Variants in PRKCZ observed in about 807,000 individuals in gnomAD.
The protein encoded by PRKCZ is protein kinase C zeta, also known as protein kinase C zeta type.
A neutral mutation model predicts 79.5 loss-of-function variants in PRKCZ; 33 were observed. The ratio of observed to expected loss-of-function variants is 0.41; its 90% confidence interval spans 0.31 to 0.55. The LOEUF (loss-of-function observed/expected upper bound fraction) is 0.55, where lower values mean the gene tolerates loss of function less well. PRKCZ is among the 20% of genes least tolerant of loss of function. The pLI, the probability that PRKCZ is intolerant of heterozygous loss-of-function variation, is 0.19. For synonymous variants in PRKCZ, 342 were observed against 320.9 expected (o/e 1.07, Z -0.70); for missense variants, 578 against 813.5 (o/e 0.71, Z 3.52).
intron 4 of PRKCZ, among the ~76,000 whole-genome samples, chr1:2,081,220 C>T (rs575812122): frequency 2.6e-5 from 4 of 152,342 alleles, no homozygotes; most frequent in South Asian, 4.1e-4. Context: ...CATGTGGACT[C>T]GCAGGTGTCA....
chr1:2,169,463 A>AGGAGGCCGCCGTCTGCCGAGGTGAC, intron 10 of PRKCZ, 55 bp from the exon 11 acceptor site: 12 of 1,477,612 alleles, frequency 8.1e-6, no homozygotes, highest in Non-Finnish European at 1.1e-5. Context: ...CTTCTGTCTA[A>AGGAGGCCGCCGTCTGCCGAGGTGAC]GGAGGCCGCC....
chr1:2,158,307 C>G (rs1189826606), intron 10 of PRKCZ, among the ~76,000 whole-genome samples: 1 of 152,218 alleles, frequency 6.6e-6, no homozygotes, highest in Non-Finnish European at 1.5e-5. Flanking sequence ...TGCCTCAAAG[C>G]TCCTCTGATT....
intron 1 of PRKCZ, among the ~76,000 whole-genome samples, chr1:2,052,264 C>T (rs576795099): frequency 3.3e-5 from 5 of 152,136 alleles, no homozygotes; most frequent in Non-Finnish European, 4.4e-5. Flanking sequence ...AGTTCTGGGC[C>T]GCCCCGTCCT....
At chr1:2,176,791 ATG>A (rs1408282241) in intron 16 of PRKCZ, among the ~76,000 whole-genome samples, 1 of 152,136 alleles carries the variant, frequency 6.6e-6, no homozygotes, top group Non-Finnish European at 1.5e-5. Context: ...TTGCCTGTGC[ATG>A]TGTGGGACCG....
At chr1:2,065,678 C>CAA (rs61017134) in intron 4 of PRKCZ, among the ~76,000 whole-genome samples, 106 of 55,590 alleles carry the variant, frequency 1.9e-3, no homozygotes, top group Middle Eastern at 8.1e-3. Context: ...GACTCTGTCT[C>CAA]AAAAAAAAAA....
intron 17 of PRKCZ, 86 bp downstream of exon 17, chr1:2,184,784 C>A: frequency 6.9e-7 from 1 of 1,447,652 alleles, no homozygotes; most frequent in African/African-American, 1.4e-5. Context: ...GTGACCCAGC[C>A]TGCCCTTGAG....
chr1:2,153,990 G>A (rs563561018), intron 9 of PRKCZ, among the ~76,000 whole-genome samples: 9 of 152,308 alleles, frequency 5.9e-5, no homozygotes, highest in South Asian at 4.1e-4. Context: ...CCAGCCCCAC[G>A]CAGGGCCTTG....
Position 2,177,822 on chromosome 1 carries a change from C to T in PRKCZ, c.1575+2509C>T, listed in dbSNP as rs953761013. Among the ~76,000 whole-genome samples the T allele has an allele frequency of 2.0e-5, 3 of 152,274 alleles. No homozygotes were observed. The highest frequency in any genetic ancestry group is 6.8e-3 in the Middle Eastern group (2 of 294). On this transcript the variant is annotated intron_variant, in intron 16 of 17. Coordinates refer to ENST00000378567, the MANE Select transcript of PRKCZ (RefSeq NM_002744.6). The surrounding 1 kb of genome is among the most constrained non-coding windows in gnomAD (Gnocchi z 6.4). ...TCACCCTGCTTCTTCCTGGCTGCTG[C>T]GGGCTGTGTTGTGACTTCCATCCCA...
At chr1:2,102,275 G>A (rs984178241) in intron 4 of PRKCZ, among the ~76,000 whole-genome samples, 8 of 151,732 alleles carry the variant, frequency 5.3e-5, no homozygotes, top group Non-Finnish European at 1.0e-4. Flanking sequence ...CCAGGGTCTC[G>A]TGTGGGCTTT....
rs568133291 is a variant in PRKCZ at position 2,114,857 on chromosome 1, A to G, written c.335-20405A>G. 5.9e-5 allele frequency among the ~76,000 whole-genome samples: 9 copies of G among 152,350 alleles called. 1 individual carries two copies. In the South Asian group the frequency reaches 1.4e-3, roughly 25 times the overall value. On this transcript the variant is annotated intron_variant, in intron 4 of 17. Coordinates refer to ENST00000378567, the MANE Select transcript of PRKCZ (RefSeq NM_002744.6). ...TTGGGTTTCAGCTTTTCTTATGGAA[A>G]GAATGTTACGGCCTGGGTGCCTCCA...
chr1:2,147,847 A>G (rs904300757), intron 7 of PRKCZ, among the ~76,000 whole-genome samples: 36 of 150,158 alleles, frequency 2.4e-4, no homozygotes, highest in Non-Finnish European at 4.7e-4. Flanking sequence ...CTGTCCATCT[A>G]TCTGTTGTCC....
chr1:2,160,018 G>T (rs928025715), intron 10 of PRKCZ, among the ~76,000 whole-genome samples: 1 of 152,086 alleles, frequency 6.6e-6, no homozygotes, highest in Non-Finnish European at 1.5e-5. Context: ...CTTAAAATAC[G>T]CCCATTCACT....
chr1:2,121,547 A>ATGGTGGTAGTTAGGGTCATGGTG (rs1557611860), intron 4 of PRKCZ, among the ~76,000 whole-genome samples: 1 of 12,208 alleles, frequency 8.2e-5, no homozygotes, highest in African/African-American at 4.3e-4. Context: ...GGGTTATATC[A>ATGGTGGTAGTTAGGGTCATGGTG]GTAGTTAGGG....
intron 4 of PRKCZ, among the ~76,000 whole-genome samples, chr1:2,062,333 G>C (rs879668152): frequency 6.6e-6 from 1 of 152,086 alleles, no homozygotes; most frequent in East Asian, 1.9e-4. Context: ...TTTGGTGTCC[G>C]TGGAATCCTG....
rs71578361 is a variant in PRKCZ, at chr1:2,160,238, C to CGCGCGTGT, written c.974+4147_974+4148insCGCGTGTG. Among the ~76,000 whole-genome samples the CGCGCGTGT allele has an allele frequency of 8.9e-3, 1,308 of 146,458 alleles. 16 individuals carry two copies. Among genetic ancestry groups the CGCGCGTGT allele is most frequent in the African/African-American group, 0.03 (1,177 of 39,020 alleles). ...GAAAAGCACTTCACCCAGCAGTGTG[C>CGCGCGTGT]GTGTGTGTGTGTGTGTGTGTGTGTG... On this transcript the variant is annotated intron_variant, in intron 10 of 17. Transcript: ENST00000378567.
At position 2,173,244 on chromosome 1, in the gene PRKCZ, G is replaced by A. The variant is rs1325003013; in HGVS notation, c.1286-653G>A. ...GCTGGGATAACTGGGCTCCCCAGCG[G>A]CCACAATGGAAGTCTCAGTAGCCAG... On this transcript the variant is annotated intron_variant, in intron 13 of 17. Transcript: ENST00000378567. This position sits in a 1 kb window ranked among gnomAD's most constrained non-coding sequence, Gnocchi z 5.7. Among the ~76,000 whole-genome samples the A allele has an allele frequency of 6.6e-6, 1 of 152,194 alleles. No individual in the cohort carries two copies. The highest frequency in any genetic ancestry group is 1.5e-5 in the Non-Finnish European group (1 of 68,024).
intron 16 of PRKCZ, among the ~76,000 whole-genome samples, chr1:2,180,962 C>T (rs1221156624): frequency 6.6e-6 from 1 of 152,208 alleles, no homozygotes; most frequent in African/African-American, 2.4e-5. Context: ...CAAAGTGGAC[C>T]CTGGCGTGCT....
chr1:2,170,536 G>A (rs1308348262), intron 11 of PRKCZ, among the ~76,000 whole-genome samples: 1 of 152,196 alleles, frequency 6.6e-6, no homozygotes, highest in Non-Finnish European at 1.5e-5. Context: ...ATGGAATTCA[G>A]TGGCGTTGAA....
At chr1:2,054,678 G>A (rs1352610141) in intron 1 of PRKCZ, among the ~76,000 whole-genome samples, 4 of 152,042 alleles carry the variant, frequency 2.6e-5, no homozygotes, top group Non-Finnish European at 4.4e-5. Context: ...TTTAATCCCC[G>A]CCACTTCACC....
Sources: gnomAD v4.1 joint callset for allele counts (sites outside exome capture counted in the v4.1 genomes callset) on GRCh38, gnomAD v4.1.1 for gene constraint, Gnocchi (gnomAD v3.1) non-coding constraint, MANE v1.5 for transcripts, NCBI Gene and HGNC (gene_info 2026-07-23, HGNC 2026-07-21) for gene names.